Variants in TCERG1L observed in about 807,000 individuals in gnomAD.
TCERG1L encodes the protein transcription elongation regulator 1 like.
A neutral mutation model predicts 56.3 loss-of-function variants in TCERG1L; 37 were observed. The ratio of observed to expected loss-of-function variants is 0.66; its 90% CI spans 0.51 to 0.87. The LOEUF (loss-of-function observed/expected upper bound fraction) is 0.87, where lower values mean the gene tolerates loss of function less well. Ranked by LOEUF, TCERG1L falls within the 40% of genes least tolerant of loss-of-function variation. The pLI is 0.00. For missense variants in TCERG1L, 799 were observed against 774.2 expected (o/e 1.03, Z -0.38); for synonymous variants, 324 against 326.3 (o/e 0.99, Z 0.08).
At chr10:131,239,412 A>G (rs1480059044) in intron 4 of TCERG1L, among the ~76,000 whole-genome samples, 1 of 152,268 alleles carries the variant, frequency 6.6e-6, no homozygotes, top group African/African-American at 2.4e-5. Context: ...AGGCATGTCA[A>G]AAAAAGAATA....
chr10:131,105,749 C>T (rs968990265), intron 9 of TCERG1L, among the ~76,000 whole-genome samples: 1 of 152,182 alleles, frequency 6.6e-6, no homozygotes, highest in African/African-American at 2.4e-5. Context: ...CTCCACATTA[C>T]TTATGTACTC....
At chr10:131,289,367 T>C (rs181081122) in intron 3 of TCERG1L, among the ~76,000 whole-genome samples, 9 of 152,192 alleles carry the variant, frequency 5.9e-5, no homozygotes, top group Non-Finnish European at 5.9e-5. Context: ...ATACGAAAAA[T>C]AAAAGATACG....
intron 10 of TCERG1L, among the ~76,000 whole-genome samples, chr10:131,099,238 C>T (rs1449592545): frequency 6.6e-6 from 1 of 152,230 alleles, no homozygotes; most frequent in African/African-American, 2.4e-5. Context: ...GGGCACTTCT[C>T]CTGGAACCTG....
Position 131,244,438 on chromosome 10 carries a change from G to C in TCERG1L, c.856+15821C>G, listed in dbSNP as rs1589759643. On this transcript the variant is annotated intron_variant, in intron 4 of 11. Coordinates refer to ENST00000368642, the MANE Select transcript of TCERG1L (RefSeq NM_174937.4). ...GGAGAGTGGAGCATGCAGAGTGGGGGTGCTTTGGGAGTAGGTGGGGAGGGG... is the reference window on the plus strand; with the variant it reads ...GGAGAGTGGAGCATGCAGAGTGGGGCTGCTTTGGGAGTAGGTGGGGAGGGG... Among the ~76,000 whole-genome samples, 3 of 152,238 alleles carry C rather than the reference G, an allele frequency of 2.0e-5. No individual in the cohort carries two copies. In the East Asian group the frequency reaches 5.8e-4, roughly 30 times the overall value.
chr10:131,309,016 T>C (rs917854875), intron 2 of TCERG1L, 137 bp downstream of exon 2: 2 of 1,002,462 alleles, frequency 2.0e-6, no homozygotes, highest in Non-Finnish European at 2.8e-6. Context: ...AATCTAATCC[T>C]GAAATGATTT....
At chr10:131,302,440 TATA>T (rs1846773826) in intron 3 of TCERG1L, among the ~76,000 whole-genome samples, 3 of 151,868 alleles carry the variant, frequency 2.0e-5, no homozygotes, top group African/African-American at 7.3e-5. Context: ...CTGACTCTGG[TATA>T]ATATTATGAG....
intron 9 of TCERG1L, among the ~76,000 whole-genome samples, chr10:131,114,181 C>A (rs185826791): frequency 7.0e-6 from 1 of 142,022 alleles, no homozygotes; most frequent in Non-Finnish European, 1.6e-5. Context: ...AATTTCTGAA[C>A]GGAAGTATTG....
chr10:131,166,020 A>T (rs1846027378), intron 5 of TCERG1L, among the ~76,000 whole-genome samples: 1 of 152,226 alleles, frequency 6.6e-6, no homozygotes, highest in Non-Finnish European at 1.5e-5. Flanking sequence ...CTCAGGGGGC[A>T]AAAGTTTAAT....
At position 131,254,924 on chromosome 10, in the gene TCERG1L, T is replaced by C. The variant is rs578048777; in HGVS notation, c.856+5335A>G. The stretch of plus-strand genomic sequence containing the variant: ...CACTTCCTTATAGAGCGGTGAGGCT[T>C]GAGGGGTTCATTGGGAAGTGGAGGT... On this transcript the variant is annotated intron_variant, in intron 4 of 11. Transcript: ENST00000368642. 9.9e-5 allele frequency among the ~76,000 whole-genome samples: 15 copies of C among 152,224 alleles called. No homozygotes were observed. In the South Asian group the frequency reaches 1.0e-3, roughly 11 times the overall value.
intron 6 of TCERG1L, chr10:131,161,366 G>A (rs903635435): frequency 3.3e-5 from 5 of 152,272 alleles, no homozygotes; most frequent in Non-Finnish European, 5.9e-5. Context: ...GATGTCGGAT[G>A]CCACTGCCTA....
chr10:131,228,306 C>T (rs12761532), intron 4 of TCERG1L, among the ~76,000 whole-genome samples: 2 of 50,460 alleles, frequency 4.0e-5, no homozygotes, highest in Non-Finnish European at 4.2e-5. Flanking sequence ...TTCCTCAAGG[C>T]CTCCGGAGTC....
At chr10:131,108,567 G>A (rs763891795) in intron 9 of TCERG1L, among the ~76,000 whole-genome samples, 9 of 152,164 alleles carry the variant, frequency 5.9e-5, no homozygotes, top group African/African-American at 9.7e-5. Flanking sequence ...TCACACAGGC[G>A]GCTGACCAGT....
At chr10:131,214,438 C>T (rs1209539447) in intron 4 of TCERG1L, among the ~76,000 whole-genome samples, 1 of 152,190 alleles carries the variant, frequency 6.6e-6, no homozygotes, top group Non-Finnish European at 1.5e-5. Context: ...GCAAGCCTAC[C>T]CCACCCCAGA....
At position 131,107,956 on chromosome 10, in the gene TCERG1L, T is replaced by TACACACACACACAC. The variant is rs59364659; in HGVS notation, c.1396-3616_1396-3603dup. On this transcript the variant is annotated intron_variant, in intron 9 of 11. Transcript: ENST00000368642. ...TGATACACACATGCACATGTGTGCC[T>TACACACACACACAC]ACACACACACACACACACACACACA... Among the ~76,000 whole-genome samples the TACACACACACACAC allele has an allele frequency of 8.3e-3, 1,214 of 146,826 alleles. 15 individuals are homozygous for TACACACACACACAC. Among genetic ancestry groups the TACACACACACACAC allele is most frequent in the Middle Eastern group, 0.025 (7 of 282 alleles).
chr10:131,292,673 C>T (rs1055999186), intron 3 of TCERG1L, among the ~76,000 whole-genome samples: 2 of 152,264 alleles, frequency 1.3e-5, no homozygotes, highest in East Asian at 3.9e-4. Context: ...GATGGAGCTT[C>T]TTGTGCAGCT....
At chr10:131,176,048 G>C (rs376330213) in intron 4 of TCERG1L, among the ~76,000 whole-genome samples, 2 of 152,212 alleles carry the variant, frequency 1.3e-5, no homozygotes, top group East Asian at 1.9e-4. Context: ...CCGACAGACG[G>C]AGAGCTTCAG....
intron 4 of TCERG1L, among the ~76,000 whole-genome samples, chr10:131,184,035 T>C (rs1002889413): frequency 6.6e-6 from 1 of 152,208 alleles, no homozygotes; most frequent in African/African-American, 2.4e-5. Context: ...CCATATTCTC[T>C]GTCACTGTGT....
chr10:131,147,335 G>A (rs1008455185), intron 6 of TCERG1L, among the ~76,000 whole-genome samples: 65 of 152,300 alleles, frequency 4.3e-4, no homozygotes, highest in African/African-American at 1.4e-3. Context: ...ATGAAGAGAA[G>A]AAAATTAATG....
At chr10:131,200,957 C>T (rs1334663349) in intron 4 of TCERG1L, among the ~76,000 whole-genome samples, 1 of 152,184 alleles carries the variant, frequency 6.6e-6, no homozygotes, top group East Asian at 1.9e-4. Context: ...GCCTTTCCCC[C>T]TCCTGCCAGT....
Sources: allele counts gnomAD v4.1 joint callset (sites outside exome capture counted in the v4.1 genomes callset), GRCh38; gene constraint gnomAD v4.1.1; transcripts MANE v1.5; gene names NCBI Gene and HGNC (gene_info 2026-07-23, HGNC 2026-07-21).